DPP10: variants seen among roughly 807,000 people sequenced by gnomAD.
DPP10 encodes the protein dipeptidyl peptidase like 10.
A neutral mutation model predicts 120.9 loss-of-function variants in DPP10; 33 were observed. That is an observed-to-expected ratio of 0.27 (90% CI 0.21 to 0.37). The LOEUF is 0.37. DPP10 is among the 10% of genes least tolerant of loss of function. The pLI is 1.00. For synonymous variants in DPP10, 337 were observed against 326.1 expected (o/e 1.03, Z -0.36); for missense variants, 816 against 942.8 (o/e 0.87, Z 1.76).
At chr2:115,171,358 C>CAAAAAAAAAAAAA (rs752738778) in intron 1 of DPP10, among the ~76,000 whole-genome samples, 1 of 114,390 alleles carries the variant, frequency 8.7e-6, no homozygotes, top group Non-Finnish European at 1.9e-5. Context: ...GAGACTCCAT[C>CAAAAAAAAAAAAA]AAAAAAAAAA....
At chr2:115,338,160 G>C (rs1014191662) in intron 2 of DPP10, among the ~76,000 whole-genome samples, 1 of 151,990 alleles carries the variant, frequency 6.6e-6, no homozygotes, top group Admixed American at 6.6e-5. Flanking sequence ...GAAAACAAAG[G>C]ACTGTGTAAC....
chr2:115,589,663 T>A (rs1216019908), intron 5 of DPP10, among the ~76,000 whole-genome samples: 1 of 152,114 alleles, frequency 6.6e-6, no homozygotes, highest in Non-Finnish European at 1.5e-5. Flanking sequence ...ATCTAACAGG[T>A]TGACATTCCA....
At chr2:115,088,763 A>AAAAAAAAAAAAC (rs1164808549) in intron 1 of DPP10, among the ~76,000 whole-genome samples, 1 of 149,316 alleles carries the variant, frequency 6.7e-6, no homozygotes, top group African/African-American at 2.4e-5. Flanking sequence ...AAAAAAAAAA[A>AAAAAAAAAAAAC]AAAAAACCAA....
At chr2:115,659,321 C>T (rs1480542296) in intron 5 of DPP10, among the ~76,000 whole-genome samples, 1 of 152,036 alleles carries the variant, frequency 6.6e-6, no homozygotes, top group Non-Finnish European at 1.5e-5. Flanking sequence ...CATAGTGAGC[C>T]TTTAGCAGAA....
At chr2:115,029,463 T>C (rs542170975) in intron 1 of DPP10, among the ~76,000 whole-genome samples, 96 of 151,892 alleles carry the variant, frequency 6.3e-4, no homozygotes, top group African/African-American at 2.2e-3. Flanking sequence ...AGCGTTTTTT[T>C]TTTTCTTTCA....
chr2:114,858,977 G>T (rs13020576), intron 1 of DPP10, among the ~76,000 whole-genome samples: 1 of 151,800 alleles, frequency 6.6e-6, no homozygotes, highest in African/African-American at 2.4e-5. Flanking sequence ...AATCTCAATA[G>T]GAGTAGCATC....
At chr2:115,405,417 C>G (rs1170888190) in intron 3 of DPP10, among the ~76,000 whole-genome samples, 1 of 152,152 alleles carries the variant, frequency 6.6e-6, no homozygotes, top group African/African-American at 2.4e-5. Flanking sequence ...GCCCGTGTGG[C>G]TACTGTCATG....
intron 1 of DPP10, among the ~76,000 whole-genome samples, chr2:114,937,201 T>C (rs886406292): frequency 6.6e-6 from 1 of 152,168 alleles, no homozygotes; most frequent in Non-Finnish European, 1.5e-5. Context: ...GAAGTTATCT[T>C]CTAGGATCTT....
At chr2:115,684,453 C>T (rs976961363) in intron 5 of DPP10, among the ~76,000 whole-genome samples, 3 of 151,880 alleles carry the variant, frequency 2.0e-5, no homozygotes, top group African/African-American at 7.2e-5. Flanking sequence ...CCCATTTTGC[C>T]TGTATTGTCT....
intron 5 of DPP10, among the ~76,000 whole-genome samples, chr2:115,679,220 A>T (rs531321249): frequency 2.3e-4 from 35 of 152,164 alleles, no homozygotes; most frequent in Admixed American, 1.1e-3. Context: ...GTGGAATGAT[A>T]TGATTTGGCT....
At chr2:114,512,382 G>A (rs901612138) in intron 1 of DPP10, among the ~76,000 whole-genome samples, 26 of 152,130 alleles carry the variant, frequency 1.7e-4, no homozygotes, top group African/African-American at 6.3e-4. Context: ...AGGACTTATT[G>A]ATTTCATGGA....
intron 1 of DPP10, among the ~76,000 whole-genome samples, chr2:115,249,197 TATTTA>T (rs1334712337): frequency 1.3e-5 from 2 of 152,146 alleles, no homozygotes; most frequent in African/African-American, 4.8e-5. Context: ...GTGTCTATTC[TATTTA>T]ATTAATGTCC....
intron 1 of DPP10, among the ~76,000 whole-genome samples, chr2:114,907,264 T>C (rs1037258290): frequency 1.3e-5 from 2 of 152,024 alleles, no homozygotes; most frequent in Non-Finnish European, 2.9e-5. Flanking sequence ...CAAATTAGAT[T>C]TTCTTGACTT....
intron 1 of DPP10, among the ~76,000 whole-genome samples, chr2:114,736,815 G>T (rs1476936406): frequency 6.6e-6 from 1 of 152,190 alleles, no homozygotes; most frequent in Non-Finnish European, 1.5e-5. Flanking sequence ...GCATGGTATA[G>T]ATGTACTCAG....
intron 3 of DPP10, among the ~76,000 whole-genome samples, chr2:115,438,361 G>A (rs1451720944): frequency 6.6e-6 from 1 of 152,056 alleles, no homozygotes; most frequent in Non-Finnish European, 1.5e-5. Context: ...ATAAAGAAAT[G>A]CCACTGCTAT....
Position 114,868,909 on chromosome 2 carries a change from C to T in DPP10, c.60+426071C>T, listed in dbSNP as rs532880292. On this transcript the variant is annotated intron_variant, in intron 1 of 25. Coordinates refer to ENST00000410059, the MANE Select transcript of DPP10 (RefSeq NM_020868.6). The stretch of plus-strand genomic sequence containing the variant: ...TGCGAATTTGATTAGCTTCAATAAC[C>T]GGAGCCTGTTTTTCTTTATCTGCAA... Among the ~76,000 whole-genome samples, 22 of 152,178 alleles carry T rather than the reference C, an allele frequency of 1.4e-4. No homozygotes were observed. In the South Asian group the frequency reaches 3.1e-3, roughly 22 times the overall value.
At chr2:114,656,223 G>A (rs570974735) in intron 1 of DPP10, among the ~76,000 whole-genome samples, 18 of 152,016 alleles carry the variant, frequency 1.2e-4, no homozygotes, top group African/African-American at 3.1e-4. Context: ...GCTAAGATTC[G>A]GTTTGGGGTC....
chr2:114,765,768 C>G (rs1300402370), intron 1 of DPP10, among the ~76,000 whole-genome samples: 2 of 152,148 alleles, frequency 1.3e-5, no homozygotes, highest in Non-Finnish European at 2.9e-5. Context: ...GGGAAGCTAA[C>G]TTGGGAACTT....
intron 5 of DPP10, among the ~76,000 whole-genome samples, chr2:115,555,830 C>T (rs572721526): frequency 1.3e-5 from 2 of 152,120 alleles, no homozygotes; most frequent in East Asian, 1.9e-4. Flanking sequence ...AATAATAAAT[C>T]GTATAACCTA....
Sources: gnomAD v4.1 joint callset for allele counts (sites outside exome capture counted in the v4.1 genomes callset) on GRCh38, gnomAD v4.1.1 for gene constraint, MANE v1.5 for transcripts, NCBI Gene and HGNC (gene_info 2026-07-23, HGNC 2026-07-21) for gene names.